The following KIF26B variants were observed in gnomAD, a reference collection of about 807,000 sequenced individuals.
The protein encoded by KIF26B is kinesin family member 26B, also known as kinesin-like protein KIF26B.
A neutral mutation model predicts 151.2 loss-of-function variants in KIF26B; 63 were observed. That is an observed-to-expected ratio of 0.42 (90% CI 0.34 to 0.51). The LOEUF (loss-of-function observed/expected upper bound fraction) is 0.51, where lower values mean the gene tolerates loss of function less well. Among genes scored for constraint, KIF26B ranks in the 20% least tolerant of loss-of-function variants. The pLI, the probability that KIF26B is intolerant of heterozygous loss-of-function variation, is 0.07. For synonymous variants in KIF26B, 1,357 were observed against 1,262.1 expected, an observed-to-expected ratio of 1.08 and a Z score of -1.59; for missense variants, 2,813 against 2,913.6, an observed-to-expected ratio of 0.97 and a Z score of 0.79.
At position 245,702,546 on chromosome 1, in the gene KIF26B, C is replaced by A; in HGVS notation, c.6267C>A (p.Asn2089Lys). 6.2e-7 allele frequency: 1 copy of A among 1,613,986 alleles called. No homozygotes were observed. The highest frequency in any genetic ancestry group is 8.5e-7 in the Non-Finnish European group (1 of 1,179,896). The part of the protein sequence containing the change: ...CVTERLESRV[N>K]FCKAHLMMIT... ...CGGAGCGCCTGGAGAGCCGTGTCAACTTCTGCAAGGCCCATCTCATGATGA... is the reference window on the plus strand; with the variant it reads ...CGGAGCGCCTGGAGAGCCGTGTCAAATTCTGCAAGGCCCATCTCATGATGA... Residue 2089 changes from asparagine to lysine, a missense_variant, in exon 15 of 15, where the codon AAC (asparagine) becomes AAA (lysine). Asn to Lys is a moderately conservative substitution (Grantham distance 94). This residue lies in a region of KIF26B where 2,060 missense variants were observed against 2,088.6 expected (regional missense o/e 0.99). Transcript: ENST00000407071. This position sits in a 1 kb window ranked among gnomAD's most constrained non-coding sequence, Gnocchi z 4.1.
At chr1:245,211,870 C>G (rs1669540622) in intron 2 of KIF26B, among the ~76,000 whole-genome samples, 1 of 152,210 alleles carries the variant, frequency 6.6e-6, no homozygotes, top group Non-Finnish European at 1.5e-5. Flanking sequence ...AGTCTGCTTG[C>G]TGGCACCGCA....
At chr1:245,394,928 GTGATC>G (rs1673794320) in intron 3 of KIF26B, among the ~76,000 whole-genome samples, 1 of 152,000 alleles carries the variant, frequency 6.6e-6, no homozygotes, top group African/African-American at 2.4e-5. Context: ...CTGACCTCAG[GTGATC>G]ACACCCTCCT....
At chr1:245,392,153 C>T (rs1302749242) in intron 3 of KIF26B, among the ~76,000 whole-genome samples, 2 of 151,932 alleles carry the variant, frequency 1.3e-5, no homozygotes, top group African/African-American at 2.4e-5. Context: ...GCTCCTGAAA[C>T]GAAAGAGTTT....
intron 3 of KIF26B, among the ~76,000 whole-genome samples, chr1:245,374,098 T>A (rs1265616312): frequency 1.0e-3 from 7 of 6,812 alleles, no homozygotes; most frequent in African/African-American, 1.2e-3. Flanking sequence ...AAAAAAAATA[T>A]ATATATATAT....
At chr1:245,565,079 A>G (rs1367778837) in intron 5 of KIF26B, among the ~76,000 whole-genome samples, 3 of 152,188 alleles carry the variant, frequency 2.0e-5, no homozygotes, top group African/African-American at 4.8e-5. Flanking sequence ...CAAGGCTGCA[A>G]TGAGCTATGA....
At chr1:245,677,687 C>T (rs1036918634) in intron 10 of KIF26B, among the ~76,000 whole-genome samples, 5 of 152,226 alleles carry the variant, frequency 3.3e-5, no homozygotes, top group African/African-American at 1.2e-4. Context: ...AGAGGGGAGG[C>T]GTCCAAAGTC....
At chr1:245,524,340 A>G (rs1427653415) in intron 4 of KIF26B, among the ~76,000 whole-genome samples, 1 of 152,238 alleles carries the variant, frequency 6.6e-6, no homozygotes, top group Non-Finnish European at 1.5e-5. Flanking sequence ...TATGTGGCAG[A>G]GGCAGGATTT....
chr1:245,210,082 C>G (rs1487068163), intron 2 of KIF26B, among the ~76,000 whole-genome samples: 1 of 152,238 alleles, frequency 6.6e-6, no homozygotes, highest in Non-Finnish European at 1.5e-5. Context: ...TGCCATGCAG[C>G]TGGTTGGAAC....
chr1:245,695,145 G>A (rs1481563560), intron 12 of KIF26B, among the ~76,000 whole-genome samples: 1 of 152,184 alleles, frequency 6.6e-6, no homozygotes, highest in African/African-American at 2.4e-5. Context: ...TGCTTGAGAG[G>A]TGGAAATGCT....
chr1:245,220,781 G>T (rs890525708), intron 2 of KIF26B, among the ~76,000 whole-genome samples: 5 of 152,122 alleles, frequency 3.3e-5, no homozygotes, highest in African/African-American at 1.2e-4. Flanking sequence ...AGAGGATGGG[G>T]TGTGGGTTTT....
intron 5 of KIF26B, among the ~76,000 whole-genome samples, chr1:245,579,655 CAAAAAACA>C (rs1347262931): frequency 1.6e-5 from 2 of 128,582 alleles, no homozygotes; most frequent in East Asian, 2.2e-4. Flanking sequence ...ACTAAAAATA[CAAAAAACA>C]AACAAACAAA....
intron 3 of KIF26B, among the ~76,000 whole-genome samples, chr1:245,402,256 T>C (rs1267178774): frequency 6.6e-6 from 1 of 152,230 alleles, no homozygotes; most frequent in Non-Finnish European, 1.5e-5. Flanking sequence ...AAGGTTCAAG[T>C]GGCTTATTGT....
rs76667210 is a variant in KIF26B at position 245,397,980 on chromosome 1, A to G, written c.1000-21599A>G. On this transcript the variant is annotated intron_variant, in intron 3 of 14. Coordinates refer to ENST00000407071, the MANE Select transcript of KIF26B (RefSeq NM_018012.4). The stretch of plus-strand genomic sequence containing the variant: ...AGTAATTTTTGGCTGACTTGCAAAG[A>G]ACTTTCTAATGAGAAGAGTTATATA... 3.9e-3 allele frequency among the ~76,000 whole-genome samples: 599 copies of G among 152,314 alleles called. 5 individuals carry two copies. Among genetic ancestry groups the G allele is most frequent in the African/African-American group, 0.014 (572 of 41,566 alleles).
intron 3 of KIF26B, among the ~76,000 whole-genome samples, chr1:245,419,088 A>G (rs533652462): frequency 6.6e-6 from 1 of 152,230 alleles, no homozygotes; most frequent in East Asian, 1.9e-4. Context: ...TCCACAGCAA[A>G]CCACCACCCC....
In KIF26B at chr1:245,499,481, A is replaced by G. The variant is rs114093009; in HGVS notation, c.1167-41286A>G. On this transcript the variant is annotated intron_variant, in intron 4 of 14. Coordinates refer to ENST00000407071, the MANE Select transcript of KIF26B (RefSeq NM_018012.4). ...CCATAGTCTATCGGAAGTGAGGTAG[A>G]GATTATTATCTGATTTTATTATTCC... 1.9e-3 allele frequency among the ~76,000 whole-genome samples: 285 copies of G among 152,332 alleles called. 1 individual carries two copies. Among genetic ancestry groups the G allele is most frequent in the African/African-American group, 6.2e-3 (256 of 41,582 alleles).
Position 245,708,050 on chromosome 1 carries a change from G to T in KIF26B, c.*5444G>T, listed in dbSNP as rs1224936598. 4 of 152,168 alleles carry T rather than the reference G, an allele frequency of 2.6e-5. No individual in the cohort carries two copies. Among genetic ancestry groups the T allele is most frequent in the Non-Finnish European group, 5.9e-5 (4 of 68,042 alleles). The allele number at this position is 152,168 out of a possible 1,614,324, so 9.4% of individuals were successfully genotyped here. ...GAGTCTTACAATCTTAAGGCATTTT[G>T]TCCCCTCACTGGGTCCCGAGAGGCA... On this transcript the variant is annotated 3_prime_UTR_variant, in exon 15 of 15. Coordinates refer to ENST00000407071, the MANE Select transcript of KIF26B (RefSeq NM_018012.4).
At position 245,382,421 on chromosome 1, in the gene KIF26B, G is replaced by A. The variant is rs937215388; in HGVS notation, c.999+15054G>A. ...TTTCCTCTTCCATAGAATGGGGATA[G>A]TATCTATCCCCTAGTATAGCATCTA... On this transcript the variant is annotated intron_variant, in intron 3 of 14. Transcript: ENST00000407071. 2.0e-5 allele frequency among the ~76,000 whole-genome samples: 3 copies of A among 152,120 alleles called. No homozygotes were observed. The South Asian group carries it at 6.2e-4, about 32-fold the overall frequency.
At chr1:245,585,994 T>A (rs2043219739) in intron 5 of KIF26B, among the ~76,000 whole-genome samples, 1 of 152,044 alleles carries the variant, frequency 6.6e-6, no homozygotes, top group East Asian at 1.9e-4. Context: ...TACATTTTTT[T>A]AGTTTTTTAA....
intron 4 of KIF26B, among the ~76,000 whole-genome samples, chr1:245,508,050 G>A (rs1260118495): frequency 1.3e-5 from 2 of 152,160 alleles, no homozygotes; most frequent in African/African-American, 4.8e-5. Context: ...CCAAGAGCAA[G>A]TCGTTCAGCT....
Sources: allele counts gnomAD v4.1 joint callset (sites outside exome capture counted in the v4.1 genomes callset), GRCh38; gene constraint gnomAD v4.1.1; regional missense constraint gnomAD v4.1.1; non-coding constraint Gnocchi (gnomAD v3.1); transcripts MANE v1.5; gene names NCBI Gene and HGNC (gene_info 2026-07-23, HGNC 2026-07-21).